The following LTA4H variants were observed in gnomAD, a reference collection of about 807,000 sequenced individuals.
LTA4H encodes leukotriene A4 hydrolase, also known as leukotriene A-4 hydrolase.
A neutral mutation model predicts 89.8 loss-of-function variants in LTA4H; 59 were observed. The ratio of observed to expected loss-of-function variants is 0.66; its 90% CI spans 0.53 to 0.82. The LOEUF (loss-of-function observed/expected upper bound fraction) is 0.82, where lower values mean the gene tolerates loss of function less well. LTA4H is among the 40% of genes least tolerant of loss of function. The pLI is 0.00. For missense variants in LTA4H, 617 were observed against 727.0 expected (o/e 0.85, Z 1.74); for synonymous variants, 227 against 253.1 (o/e 0.90, Z 0.98).
At chr12:96,035,983 G>A (rs560739828), upstream of LTA4H, among the ~76,000 whole-genome samples, 3 of 152,206 alleles carry the variant, frequency 2.0e-5, no homozygotes, top group South Asian at 2.1e-4. Flanking sequence ...GAGCAAAAAC[G>A]TAGAAAAGGC....
At chr12:96,010,895 A>G (rs150381218) in intron 14 of LTA4H, 1 of 152,330 alleles carries the variant, frequency 6.6e-6, no homozygotes, top group African/African-American at 2.4e-5. Flanking sequence ...TCAGATATTT[A>G]AATACATATA....
rs749340534 is a variant in LTA4H, at chr12:96,003,908, A to G, written c.1543T>C (p.Leu515=). 16 of 1,605,516 alleles carry G rather than the reference A, an allele frequency of 1.0e-5. No homozygotes were observed. Among genetic ancestry groups the G allele is most frequent in the East Asian group, 9.0e-5 (4 of 44,384 alleles). Residue 515 remains leucine, a synonymous_variant, in exon 17 of 19, where the codon TTG becomes CTG. Coordinates refer to ENST00000228740, the MANE Select transcript of LTA4H (RefSeq NM_000895.3). The stretch of plus-strand genomic sequence containing the variant: ...TCTTGCATTCGCTTTATGTGCCCCA[A>G]TGGAAGAGGTGCCTAAGAGCAAAAT... The part of the protein sequence containing the change: ...AQTLQRAPLP[L]GHIKRMQEVY...
At chr12:96,036,753 T>G (rs1950650942), upstream of LTA4H, among the ~76,000 whole-genome samples, 1 of 152,218 alleles carries the variant, frequency 6.6e-6, no homozygotes, top group African/African-American at 2.4e-5. Context: ...GACAGTATGT[T>G]AGGCTGTACT....
upstream of LTA4H, among the ~76,000 whole-genome samples, chr12:96,039,398 T>C (rs977104389): frequency 6.6e-5 from 10 of 152,230 alleles, no homozygotes; most frequent in Non-Finnish European, 5.9e-5. Context: ...GAAAAGTTAC[T>C]TAATCCCTCA....
At chr12:96,038,525 G>A (rs576206505), upstream of LTA4H, among the ~76,000 whole-genome samples, 7 of 151,948 alleles carry the variant, frequency 4.6e-5, no homozygotes, top group Admixed American at 2.6e-4. Flanking sequence ...GACTACAGGC[G>A]CCCGCCACCA....
chr12:96,031,166 A>G (rs1383452522), intron 1 of LTA4H, among the ~76,000 whole-genome samples: 1 of 152,136 alleles, frequency 6.6e-6, no homozygotes, highest in East Asian at 1.9e-4. Flanking sequence ...ACCCTTTCCT[A>G]TAATACTTAC....
At position 96,024,470 on chromosome 12, in the gene LTA4H, A is replaced by C; in HGVS notation, c.480+9T>G. 1 of 1,551,014 alleles carries C rather than the reference A, an allele frequency of 6.4e-7. No individual in the cohort carries two copies. The highest frequency in any genetic ancestry group is 8.9e-7 in the Non-Finnish European group (1 of 1,123,948). ...TCATTTAATTGAGTTAATAATTCGT[A>C]ATATTTACCTCTGCAGTATAGGTTA... On this transcript the variant is annotated intron_variant, in intron 4 of 18. Coordinates refer to ENST00000228740, the MANE Select transcript of LTA4H (RefSeq NM_000895.3).
At chr12:96,039,595 G>A (rs1042398109), upstream of LTA4H, among the ~76,000 whole-genome samples, 20 of 152,250 alleles carry the variant, frequency 1.3e-4, 1 homozygote, top group African/African-American at 4.6e-4. Flanking sequence ...TTTCCTTGTT[G>A]TGTTAGCAAG....
At chr12:96,021,776 C>T (rs1404884934) in intron 5 of LTA4H, among the ~76,000 whole-genome samples, 1 of 151,988 alleles carries the variant, frequency 6.6e-6, no homozygotes, top group East Asian at 1.9e-4. Flanking sequence ...TAACTGAGTG[C>T]TTTTTTGGTC....
At chr12:96,033,984 A>C (rs1950605534) in intron 1 of LTA4H, among the ~76,000 whole-genome samples, 1 of 152,230 alleles carries the variant, frequency 6.6e-6, no homozygotes, top group African/African-American at 2.4e-5. Flanking sequence ...TTGATTACCT[A>C]TCAGTACATA....
upstream of LTA4H, among the ~76,000 whole-genome samples, chr12:96,036,440 A>G (rs556002485): frequency 1.6e-4 from 25 of 152,298 alleles, no homozygotes; most frequent in African/African-American, 6.0e-4. Context: ...TCCTGGGTGC[A>G]TTAATGGGGG....
upstream of LTA4H, among the ~76,000 whole-genome samples, chr12:96,036,905 G>A (rs771092786): frequency 1.3e-5 from 2 of 152,158 alleles, no homozygotes; most frequent in Non-Finnish European, 2.9e-5. Flanking sequence ...GGTGAAGAAG[G>A]GGCAGGCCTC....
At chr12:96,029,481 C>T (rs963167660) in intron 1 of LTA4H, among the ~76,000 whole-genome samples, 5 of 152,132 alleles carry the variant, frequency 3.3e-5, no homozygotes, top group African/African-American at 1.2e-4. Context: ...CTTCTGACTC[C>T]TAAAATTTTC....
chr12:96,014,819 A>C, intron 12 of LTA4H, 36 bp downstream of exon 12: 1 of 1,578,492 alleles, frequency 6.3e-7, no homozygotes, highest in Non-Finnish European at 8.6e-7. Flanking sequence ...TTACCCTCAA[A>C]AAGAAAAAAA....
intron 8 of LTA4H, 88 bp downstream of exon 8, chr12:96,018,675 A>G: frequency 1.1e-6 from 1 of 870,606 alleles, no homozygotes; most frequent in Non-Finnish European, 1.6e-6. Context: ...AAGGTTCTTT[A>G]CATATATATA....
chr12:96,006,389 A>G lies in LTA4H; in HGVS notation c.1455T>C (p.Asn485=). 2 of 1,608,642 alleles carry G rather than the reference A, an allele frequency of 1.2e-6. No individual in the cohort carries two copies. The highest frequency in any genetic ancestry group is 8.5e-7 in the Non-Finnish European group (1 of 1,176,436). ...CCTTCAGGTCTGTGGCATTGAATGA[A>G]TTTAAATCATCTTCTTTGGCCTGAA... ...RWITAKEDDL[N]SFNATDLKDL... The change falls in exon 16 of 19, where the codon AAT becomes AAC. Residue 485 remains asparagine, a synonymous_variant. Transcript: ENST00000228740.
At chr12:96,036,331 T>G (rs566329702), upstream of LTA4H, among the ~76,000 whole-genome samples, 4 of 152,036 alleles carry the variant, frequency 2.6e-5, no homozygotes, top group Non-Finnish European at 5.9e-5. Context: ...TGAAGGAGGA[T>G]TGAAGGATGC....
intron 14 of LTA4H, 184 bp downstream of exon 14, chr12:96,013,004 A>G: frequency 2.0e-6 from 1 of 511,332 alleles, no homozygotes; most frequent in South Asian, 3.5e-5. Context: ...GAAGTGAAAA[A>G]CCATATTTGT....
Position 96,027,514 on chromosome 12 carries a change from G to A in LTA4H, c.341C>T (p.Ser114Phe). Reference protein sequence around the residue: ...EISFETSPKSSALQWLTPEQT... With the variant: ...EISFETSPKSFALQWLTPEQT... ...TTCAGGAGTGAGCCACTGGAGAGCA[G>A]AAGATTTTGGAGAGGTCTCAAAAGA... Residue 114 changes from serine to phenylalanine, a missense_variant, in exon 3 of 19, where the codon TCT becomes TTT. Coordinates refer to ENST00000228740, the MANE Select transcript of LTA4H (RefSeq NM_000895.3). 1 of 1,609,794 alleles carries A rather than the reference G, an allele frequency of 6.2e-7. No individual in the cohort carries two copies.
Sources: gnomAD v4.1 joint callset for allele counts (sites outside exome capture counted in the v4.1 genomes callset) on GRCh38, gnomAD v4.1.1 for gene constraint, MANE v1.5 for transcripts, NCBI Gene and HGNC (gene_info 2026-07-23, HGNC 2026-07-21) for gene names.